Variants in GPHN observed in about 807,000 individuals in gnomAD.
GPHN encodes the protein gephyrin.
Under a neutral mutation model 95.5 loss-of-function variants are expected in GPHN, and 17 were observed. That is an observed-to-expected ratio of 0.18 (90% CI 0.12 to 0.27). The LOEUF (loss-of-function observed/expected upper bound fraction) is 0.27. Ranked by LOEUF, GPHN falls within the 10% of genes least tolerant of loss-of-function variation. The pLI is 1.00. For missense variants in GPHN, 660 were observed against 978.1 expected (o/e 0.67, Z 4.34); for synonymous variants, 320 against 322.5 (o/e 0.99, Z 0.08).
chr14:67,516,768 G>A, the GPHN span, among the ~76,000 whole-genome samples: 63,676 of 151,776 alleles, frequency 0.42, 13,830 homozygotes, highest in East Asian at 0.48. Context: ...CATGTATATC[G>A]TGTTCCTGGG....
chr14:66,780,242 A>G (rs2059557042), intron 3 of GPHN, among the ~76,000 whole-genome samples: 1 of 152,168 alleles, frequency 6.6e-6, no homozygotes, highest in Non-Finnish European at 1.5e-5. Context: ...CAAATATCCA[A>G]TAAGTCATTG....
At chr14:67,402,875 C>T in the GPHN span, among the ~76,000 whole-genome samples, 1 of 152,186 alleles carries the variant, frequency 6.6e-6, no homozygotes, top group Non-Finnish European at 1.5e-5. Context: ...AGTGCTGCAA[C>T]AGACATGGGT....
chr14:66,892,748 T>G (rs1345553896), intron 5 of GPHN, among the ~76,000 whole-genome samples: 1 of 152,042 alleles, frequency 6.6e-6, no homozygotes. Flanking sequence ...TGCTTATGAG[T>G]GGATAGCGAG....
chr14:66,575,007 C>A (rs1019446688), intron 1 of GPHN, among the ~76,000 whole-genome samples: 2 of 152,138 alleles, frequency 1.3e-5, no homozygotes, highest in African/African-American at 4.8e-5. Context: ...ATTACATGAG[C>A]CAATTGCCTT....
At chr14:67,722,347 G>A in the GPHN span, 23 of 512,830 alleles carry the variant, frequency 4.5e-5, no homozygotes, top group Non-Finnish European at 6.0e-5. Context: ...GGGGGTACTT[G>A]CTTTAGTTTC....
intron 1 of GPHN, among the ~76,000 whole-genome samples, chr14:66,657,651 A>G (rs1207233381): frequency 2.0e-5 from 3 of 152,144 alleles, no homozygotes; most frequent in Admixed American, 6.5e-5. Flanking sequence ...TACTCTTCCT[A>G]TGCTCTATAA....
At chr14:66,700,315 C>T (rs2068439978) in intron 2 of GPHN, among the ~76,000 whole-genome samples, 1 of 152,070 alleles carries the variant, frequency 6.6e-6, no homozygotes, top group South Asian at 2.1e-4. Context: ...TTATTTTTGA[C>T]ACACATACTG....
intron 1 of GPHN, among the ~76,000 whole-genome samples, chr14:66,665,313 A>G (rs2065887793): frequency 6.6e-6 from 1 of 152,342 alleles, no homozygotes; most frequent in Middle Eastern, 3.4e-3. Flanking sequence ...TGAACAGGCA[A>G]CCTACAGAAT....
chr14:66,740,508 G>A (rs188674921), intron 2 of GPHN, among the ~76,000 whole-genome samples: 1,823 of 150,550 alleles, frequency 0.012, 19 homozygotes, highest in Non-Finnish European at 0.018. Flanking sequence ...TAGGCTCTTT[G>A]TATTTCCCAG....
intron 19 of GPHN, among the ~76,000 whole-genome samples, chr14:67,162,077 TA>T (rs909607116): frequency 6.6e-6 from 1 of 151,708 alleles, no homozygotes; most frequent in Non-Finnish European, 1.5e-5. Flanking sequence ...TTCCAGAGCT[TA>T]AAAAAAAATT....
intron 9 of GPHN, among the ~76,000 whole-genome samples, chr14:66,973,444 T>C (rs2153593388): frequency 6.6e-6 from 1 of 152,312 alleles, no homozygotes; most frequent in South Asian, 2.1e-4. Context: ...TGTCTACTAA[T>C]AGATAACATA....
chr14:67,294,084 A>G, the GPHN span, among the ~76,000 whole-genome samples: 9 of 152,212 alleles, frequency 5.9e-5, no homozygotes, highest in Non-Finnish European at 2.9e-5. Flanking sequence ...AGGACTTTAA[A>G]AAAGATCAAT....
At chr14:66,933,998 A>T (rs138402103) in intron 8 of GPHN, among the ~76,000 whole-genome samples, 2,923 of 151,854 alleles carry the variant, frequency 0.019, 37 homozygotes, top group Middle Eastern at 0.034. Context: ...AATTAGCCAG[A>T]CGTTGTGGCA....
At chr14:66,579,195 A>G (rs1175730373) in intron 1 of GPHN, among the ~76,000 whole-genome samples, 1 of 151,872 alleles carries the variant, frequency 6.6e-6, no homozygotes, top group Non-Finnish European at 1.5e-5. Flanking sequence ...AGAAAGAGCT[A>G]CAGTAGATAC....
chr14:67,599,287 G>C, the GPHN span, among the ~76,000 whole-genome samples: 9 of 152,124 alleles, frequency 5.9e-5, no homozygotes, highest in African/African-American at 2.2e-4. Context: ...TTTTATTTGA[G>C]AGCTGTCACA....
the GPHN span, among the ~76,000 whole-genome samples, chr14:67,623,534 CTTTTTTTTTTTTTT>C: frequency 1.2e-5 from 1 of 82,948 alleles, no homozygotes; most frequent in Admixed American, 1.7e-4. Context: ...CTCAGGTAAC[CTTTTTTTTTTTTTT>C]TTTTTTTTTT....
At chr14:67,615,734 A>G in the GPHN span, 2 of 481,418 alleles carry the variant, frequency 4.2e-6, no homozygotes, top group South Asian at 2.3e-5. Context: ...CCTAAAGGGG[A>G]GACAAAAAAA....
At chr14:67,506,578 T>C in the GPHN span, among the ~76,000 whole-genome samples, 1 of 151,962 alleles carries the variant, frequency 6.6e-6, no homozygotes, top group Non-Finnish European at 1.5e-5. Context: ...GTAAGACAGG[T>C]AGGGATGGAA....
chr14:66,723,168 C>T (rs780197362), intron 2 of GPHN, among the ~76,000 whole-genome samples: 34 of 144,464 alleles, frequency 2.4e-4, no homozygotes, highest in Non-Finnish European at 4.3e-4. Flanking sequence ...ACCTCCACAA[C>T]CAACTAATTT....
Sources: gnomAD v4.1 joint callset for allele counts (sites outside exome capture counted in the v4.1 genomes callset) on GRCh38, gnomAD v4.1.1 for gene constraint, MANE v1.5 for transcripts, NCBI Gene and HGNC (gene_info 2026-07-23, HGNC 2026-07-21) for gene names.